The following HERC2 variants were observed in gnomAD, a reference collection of about 807,000 sequenced individuals.
HERC2 encodes HECT and RLD domain containing E3 ubiquitin protein ligase 2.
In HERC2, 102 loss-of-function variants were observed where a neutral mutation model predicts 537.7. That is an observed-to-expected ratio of 0.19 (90% CI 0.16 to 0.22). The LOEUF (loss-of-function observed/expected upper bound fraction) is 0.22, where lower values mean the gene tolerates loss of function less well. Ranked by LOEUF, HERC2 falls within the 10% of genes least tolerant of loss-of-function variation. The pLI, the probability that HERC2 is intolerant of heterozygous loss-of-function variation, is 1.00. For synonymous variants in HERC2, 2,224 were observed against 2,466.2 expected, an observed-to-expected ratio of 0.90 and a Z score of 2.91; for missense variants, 4,236 against 6,198.2, an observed-to-expected ratio of 0.68 and a Z score of 10.63.
At chr15:28,194,567 G>A (rs574674725) in intron 52 of HERC2, among the ~76,000 whole-genome samples, 44 of 151,486 alleles carry the variant, frequency 2.9e-4, no homozygotes, top group Middle Eastern at 3.5e-3. Context: ...GCGAGACTCC[G>A]TCTCAAAAAA....
intron 67 of HERC2, 71 bp downstream of exon 67, chr15:28,168,336 T>G: frequency 1.5e-4 from 223 of 1,457,298 alleles, no homozygotes; most frequent in Non-Finnish European, 1.9e-4. Flanking sequence ...AATGACACAA[T>G]GAGACTTTCC....
intron 66 of HERC2, among the ~76,000 whole-genome samples, chr15:28,168,872 G>A (rs1894416900): frequency 6.6e-6 from 1 of 152,222 alleles, no homozygotes; most frequent in African/African-American, 2.4e-5. Flanking sequence ...CTCTCCCTGA[G>A]AAAGAAATCC....
At chr15:28,118,201 G>C (rs1338980739) in intron 86 of HERC2, 3 of 160,256 alleles carry the variant, frequency 1.9e-5, no homozygotes, top group Non-Finnish European at 4.2e-5. Flanking sequence ...ATCATGCCCA[G>C]AGGAGACTAG....
Position 28,192,022 on chromosome 15 carries a change from T to C in HERC2, c.8390A>G (p.Gln2797Arg). Residue 2797 changes from glutamine to arginine, a missense_variant, in exon 53 of 93, where the codon CAG becomes CGG. Around this residue, in one of 27 missense-constraint regions of HERC2, gnomAD observed 606 missense variants for 884.5 expected, o/e 0.69. Transcript: ENST00000261609. The part of the protein sequence containing the change: ...KSLNVSSSVN[Q>R]ASRLIDGSEP... ...GCTGCCGTCAATGAGACGGGATGCCTGGTTCACGGAGGACGACACATTCAG... is the reference window on the plus strand; with the variant it reads ...GCTGCCGTCAATGAGACGGGATGCCCGGTTCACGGAGGACGACACATTCAG... 6.2e-7 allele frequency: 1 copy of C among 1,613,978 alleles called. No homozygotes were observed. The highest frequency in any genetic ancestry group is 8.5e-7 in the Non-Finnish European group (1 of 1,180,018).
chr15:28,270,749 G>T lies in HERC2; in HGVS notation c.1203C>A (p.Asp401Glu), dbSNP rs764762151. Residue 401 changes from aspartate (D) to glutamate (E), a missense_variant, in exon 10 of 93, where the codon GAC (aspartate) becomes GAA (glutamate). By Grantham distance (45) the Asp-to-Glu change is conservative. Coordinates refer to ENST00000261609, the MANE Select transcript of HERC2 (RefSeq NM_004667.6). ...GAGGCATACAGGGCGTAGCCAGACG[G>T]TCTAAATGGGCCATGACAACAACCG... ...QTAVVVMAHL[D>E]RLATPCMPPL... 1.1e-5 allele frequency: 17 copies of T among 1,613,960 alleles called. No homozygotes were observed. In the South Asian group the frequency reaches 1.8e-4, roughly 17 times the overall value.
intron 68 of HERC2, among the ~76,000 whole-genome samples, chr15:28,164,128 T>C (rs1478006045): frequency 6.6e-6 from 1 of 152,190 alleles, no homozygotes; most frequent in Non-Finnish European, 1.5e-5. Flanking sequence ...AGCAGGAGTG[T>C]GTCAAGCCCT....
intron 44 of HERC2, 106 bp downstream of exon 44, chr15:28,210,896 C>G: frequency 9.3e-7 from 1 of 1,078,058 alleles, no homozygotes; most frequent in Non-Finnish European, 1.4e-6. Context: ...CTGTCTTGTA[C>G]ATTTATAAGC....
chr15:28,232,580 ATTTCTGTAG>A (rs1421142354), intron 30 of HERC2, among the ~76,000 whole-genome samples: 1 of 152,026 alleles, frequency 6.6e-6, no homozygotes, highest in African/African-American at 2.4e-5. Context: ...ATAATCAGAA[ATTTCTGTAG>A]TTTATTTATA....
At chr15:28,181,260 A>G (rs573555021) in intron 57 of HERC2, among the ~76,000 whole-genome samples, 1 of 152,308 alleles carries the variant, frequency 6.6e-6, no homozygotes, top group Non-Finnish European at 1.5e-5. Context: ...CCTTGAAGTG[A>G]AAACTCCATG....
At chr15:28,210,959 A>T (rs1436376367) in intron 44 of HERC2, 43 bp downstream of exon 44, 1 of 946,394 alleles carries the variant, frequency 1.1e-6, no homozygotes, top group East Asian at 2.4e-5. Flanking sequence ...TCTACTTTCT[A>T]CTGCCCTTCT....
rs1252828674 is a variant in HERC2 at position 28,248,773 on chromosome 15, G to A, written c.3051-37C>T. ...AGAAGAGGATTACAAAATTAAACAA[G>A]ATATTTCTACTAAAAAGAAAATGGG... On this transcript the variant is annotated intron_variant, in intron 20 of 92. Coordinates refer to ENST00000261609, the MANE Select transcript of HERC2 (RefSeq NM_004667.6). 7 of 1,532,310 alleles carry A rather than the reference G, an allele frequency of 4.6e-6. No homozygotes were observed. In the East Asian group the frequency reaches 1.6e-4, roughly 35 times the overall value. 94.9% of individuals were successfully genotyped at this position (1,532,310 alleles called of 1,614,324 possible).
chr15:28,194,621 C>T (rs1344324534), intron 52 of HERC2, among the ~76,000 whole-genome samples: 2 of 151,698 alleles, frequency 1.3e-5, no homozygotes, highest in South Asian at 2.1e-4. Flanking sequence ...AGCCACTGTG[C>T]CTGGCCGATC....
rs1415743033 is a variant in HERC2, at chr15:28,287,721, T to C, written c.322+5167A>G. On this transcript the variant is annotated intron_variant, in intron 4 of 92. Coordinates refer to ENST00000261609, the MANE Select transcript of HERC2 (RefSeq NM_004667.6). Reference sequence around the variant, plus strand: ...TACATTATATTATACTTATTCCTCTTTTTTTTTTTTTTTTTTTGGTTTGAG... The same window carrying C: ...TACATTATATTATACTTATTCCTCTCTTTTTTTTTTTTTTTTTGGTTTGAG... Among the ~76,000 whole-genome samples the C allele has an allele frequency of 4.9e-3, 435 of 89,194 alleles. 3 individuals carry two copies. Among genetic ancestry groups the C allele is most frequent in the African/African-American group, 0.02 (412 of 20,420 alleles). 58.5% of individuals were successfully genotyped at this position (89,194 alleles called of 152,430 possible).
chr15:28,267,993 T>A (rs1307493098), intron 12 of HERC2, among the ~76,000 whole-genome samples: 1 of 152,238 alleles, frequency 6.6e-6, no homozygotes, highest in Non-Finnish European at 1.5e-5. Flanking sequence ...CTGGCATTTA[T>A]AACAACTTTC....
chr15:28,143,306 C>T (rs1352893696), intron 74 of HERC2, among the ~76,000 whole-genome samples: 1 of 152,084 alleles, frequency 6.6e-6, no homozygotes, highest in Admixed American at 6.6e-5. Flanking sequence ...ATCAGTTAGC[C>T]TCATTGTAAA....
At chr15:28,116,036 C>G (rs767355147) in intron 88 of HERC2, among the ~76,000 whole-genome samples, 1 of 152,132 alleles carries the variant, frequency 6.6e-6, no homozygotes, top group Non-Finnish European at 1.5e-5. Context: ...TCTGAGTACC[C>G]GAGGCAGTCT....
chr15:28,309,348 A>T (rs1596459195), intron 2 of HERC2, among the ~76,000 whole-genome samples: 1 of 152,136 alleles, frequency 6.6e-6, no homozygotes, highest in Non-Finnish European at 1.5e-5. Flanking sequence ...TCTAGTGTTG[A>T]GTGCATATAT....
chr15:28,239,430 T>C (rs1325972662), intron 23 of HERC2, among the ~76,000 whole-genome samples: 4 of 151,006 alleles, frequency 2.6e-5, no homozygotes. Context: ...TTATGAAAAA[T>C]AGTTAAAGGG....
intron 4 of HERC2, among the ~76,000 whole-genome samples, chr15:28,282,796 G>C (rs2076052802): frequency 6.6e-6 from 1 of 152,024 alleles, no homozygotes; most frequent in South Asian, 2.1e-4. Flanking sequence ...GCTGGGCATG[G>C]TGGCGGGCAC....
Sources: gnomAD v4.1 joint callset for allele counts (sites outside exome capture counted in the v4.1 genomes callset) on GRCh38, gnomAD v4.1.1 for gene constraint, gnomAD v4.1.1 regional missense constraint, MANE v1.5 for transcripts, NCBI Gene and HGNC (gene_info 2026-07-23, HGNC 2026-07-21) for gene names.